Variants in DHX34 observed in about 807,000 individuals in gnomAD.
DHX34 encodes the protein DExH-box helicase 34, also known as probable ATP-dependent RNA helicase DHX34.
A neutral mutation model predicts 111.1 loss-of-function variants in DHX34; 96 were observed. The observed-to-expected ratio is 0.86, with a 90% confidence interval of 0.73 to 1.02. The LOEUF is 1.02. Ranked by LOEUF, DHX34 falls within the 50% of genes least tolerant of loss-of-function variation. The pLI, the probability that DHX34 is intolerant of heterozygous loss-of-function variation, is 0.00. For missense variants in DHX34, 1,560 were observed against 1,579.9 expected (o/e 0.99, Z 0.21); for synonymous variants, 688 against 670.4 (o/e 1.03, Z -0.41).
rs1212191418 is a variant in DHX34, at chr19:47,381,281, C to G, written c.3255C>G (p.Ala1085=). The change falls in exon 16 of 17, where the codon GCC becomes GCG. Residue 1085 remains alanine, a synonymous_variant. Coordinates refer to ENST00000328771, the MANE Select transcript of DHX34 (RefSeq NM_014681.6). ...CCCTCACGCCCCTGGAGCGCATCGC[C>G]CATGAGAACACCTGCCCCCAGGCCC... ...HAPLTPLERI[A]HENTCPQAPQ... is the part of the protein sequence containing the mutation. 1.2e-6 allele frequency: 2 copies of G among 1,613,894 alleles called. No homozygotes were observed. The highest frequency in any genetic ancestry group is 1.7e-6 in the Non-Finnish European group (2 of 1,179,962).
intron 13 of DHX34, among the ~76,000 whole-genome samples, chr19:47,378,450 C>G (rs181993023): frequency 6.6e-6 from 1 of 152,252 alleles, no homozygotes; most frequent in African/African-American, 2.4e-5. Flanking sequence ...AGGCAGCACG[C>G]AGGCCGAGGG....
chr19:47,357,764 C>T (rs1599755736), intron 3 of DHX34, 102 bp from the exon 4 acceptor site: 1 of 1,480,742 alleles, frequency 6.8e-7, no homozygotes, highest in East Asian at 2.5e-5. Flanking sequence ...TGTGTCTTCT[C>T]CGTTAGCCTG....
intron 13 of DHX34, 171 bp from the exon 14 acceptor site, chr19:47,379,539 G>T (rs566837773): frequency 1.0e-6 from 1 of 977,464 alleles, no homozygotes; most frequent in Non-Finnish European, 1.2e-6. Flanking sequence ...TGTTCATGCC[G>T]TATCCCCAGC....
intron 7 of DHX34, among the ~76,000 whole-genome samples, chr19:47,370,621 T>C (rs1332229176): frequency 6.6e-6 from 1 of 152,222 alleles, no homozygotes; most frequent in African/African-American, 2.4e-5. Context: ...GGAGGCTGGA[T>C]CCGCTGGACT....
chr19:47,360,723 CTG>C (rs1969605522), intron 5 of DHX34, among the ~76,000 whole-genome samples: 1 of 152,028 alleles, frequency 6.6e-6, no homozygotes, highest in African/African-American at 2.4e-5. Context: ...GAGTCTTGCT[CTG>C]TTGCCAGACT....
chr19:47,359,852 C>T, intron 4 of DHX34, 116 bp from the exon 5 acceptor site: 1 of 1,561,804 alleles, frequency 6.4e-7, no homozygotes, highest in East Asian at 2.3e-5. Context: ...AGGGAGGTCT[C>T]TGAAGGAGGA....
At position 47,358,270 on chromosome 19, in the gene DHX34, A is replaced by G. The variant is rs1197821709; in HGVS notation, c.1272+150A>G. 12 of 1,419,562 alleles carry G rather than the reference A, an allele frequency of 8.5e-6. No individual in the cohort carries two copies. The Admixed American group carries it at 2.0e-4, about 23-fold the overall frequency. 87.9% of individuals were successfully genotyped at this position (1,419,562 alleles called of 1,614,324 possible). A position where few individuals can be genotyped will look rare whatever the true frequency, so the allele number is the denominator to read the frequency against. On this transcript the variant is annotated intron_variant, in intron 4 of 16. Coordinates refer to ENST00000328771, the MANE Select transcript of DHX34 (RefSeq NM_014681.6). ...ACCTAGTGGCAGAGCCAGGCTGCGAACCCAGGTAGTCTGGCCCCGGAGCCC... is the reference window on the plus strand; with the variant it reads ...ACCTAGTGGCAGAGCCAGGCTGCGAGCCCAGGTAGTCTGGCCCCGGAGCCC...
In DHX34 at chr19:47,381,311, G is replaced by A; in HGVS notation, c.3285G>A (p.Gln1095=). 1 of 1,613,584 alleles carries A rather than the reference G, an allele frequency of 6.2e-7. No homozygotes were observed. ...AHENTCPQAP[Q]DGPPGAEEAA... is the part of the protein sequence containing the mutation. ...AGAACACCTGCCCCCAGGCCCCACA[G>A]GATGGGCCCCCAGGTAAGCACAGGA... Residue 1095 remains glutamine, a synonymous_variant, in exon 16 of 17, where the codon CAG becomes CAA. Transcript: ENST00000328771.
At chr19:47,364,851 GTCAGGGC>G (rs1969742201) in intron 6 of DHX34, among the ~76,000 whole-genome samples, 1 of 152,194 alleles carries the variant, frequency 6.6e-6, no homozygotes, top group Admixed American at 6.5e-5. Flanking sequence ...AAGTAGTAGA[GTCAGGGC>G]TCCATCCGAG....
Position 47,375,493 on chromosome 19 carries a change from G to A in DHX34, c.2092G>A (p.Ala698Thr), listed in dbSNP as rs371979299. Residue 698 changes from alanine (A) to threonine (T), a missense_variant, in exon 10 of 17, where the codon GCT (alanine) becomes ACT (threonine). By Grantham distance (58) the Ala-to-Thr change is moderately conservative (BLOSUM62 0). Coordinates refer to ENST00000328771, the MANE Select transcript of DHX34 (RefSeq NM_014681.6). Reference sequence around the variant, plus strand: ...GCTGTTGGAGGACCACGGGCTGCTGGCTGGGGCCCAGGCCGCGCAGGTAGG... The same window carrying A: ...GCTGTTGGAGGACCACGGGCTGCTGACTGGGGCCCAGGCCGCGCAGGTAGG... ...KELLEDHGLL[A>T]GAQAAQVGDS... The A allele has an allele frequency of 8.6e-5, 136 of 1,579,218 alleles. No individual in the cohort carries two copies. The highest frequency in any genetic ancestry group is 8.6e-5 in the Non-Finnish European group (101 of 1,169,294).
In DHX34 at chr19:47,379,763, G is replaced by A. The variant is rs747089523; in HGVS notation, c.2760G>A (p.Leu920=). 8 of 1,612,654 alleles carry A rather than the reference G, an allele frequency of 5.0e-6. No individual in the cohort carries two copies. The South Asian group carries it at 7.7e-5, about 15-fold the overall frequency. ...SLDTNGDCSR[L]VADGWLELQL... is the part of the protein sequence containing the mutation. Reference sequence around the variant, plus strand: ...ACACCAATGGTGACTGCTCCCGCCTGGTGGCCGATGGCTGGCTGGAGCTGC... The same window carrying A: ...ACACCAATGGTGACTGCTCCCGCCTAGTGGCCGATGGCTGGCTGGAGCTGC... The change falls in exon 14 of 17, where the codon CTG becomes CTA. Residue 920 remains leucine (L), a synonymous_variant. Transcript: ENST00000328771.
Position 47,352,900 on chromosome 19 carries a change from A to G in DHX34, c.-131A>G. The G allele has an allele frequency of 6.9e-7, 1 of 1,446,098 alleles. No homozygotes were observed. Among genetic ancestry groups the G allele is most frequent in the African/African-American group, 1.4e-5 (1 of 69,890 alleles). 89.6% of individuals were successfully genotyped at this position (1,446,098 alleles called of 1,614,324 possible). On this transcript the variant is annotated 5_prime_UTR_variant, in exon 2 of 17. Transcript: ENST00000328771. ...GGTCCTGTGCCGTGACCAGGAGGAA[A>G]AATTAGCTCTTTGAAGAGAAAGTAG... is the stretch of plus-strand genomic sequence containing the variant.
intron 16 of DHX34, 95 bp downstream of exon 16, chr19:47,381,419 C>T (rs1164160142): frequency 1.0e-5 from 15 of 1,491,608 alleles, no homozygotes; most frequent in Admixed American, 6.6e-5. Flanking sequence ...GCTAGAGCTT[C>T]GAGGACTGAC....
Position 47,380,896 on chromosome 19 carries a change from C to T in DHX34, c.3063C>T (p.Pro1021=), listed in dbSNP as rs200382156. Residue 1021 remains proline (P), a synonymous_variant, in exon 15 of 17, where the codon CCC becomes CCT. Coordinates refer to ENST00000328771, the MANE Select transcript of DHX34 (RefSeq NM_014681.6). ...YVGPQTIPAT[P]HLPGLFGSST... ...GACCCCAGACCATCCCAGCCACCCC[C>T]CATCTTCCTGGCCTCTTTGGCAGCT... 1.2e-5 allele frequency: 19 copies of T among 1,613,760 alleles called. No homozygotes were observed. In the African/African-American group the frequency reaches 2.1e-4, roughly 18 times the overall value.
chr19:47,378,666 T>TTGC (rs1970248092), intron 13 of DHX34, among the ~76,000 whole-genome samples: 1 of 151,762 alleles, frequency 6.6e-6, no homozygotes, highest in Admixed American at 6.6e-5. Flanking sequence ...TCTATCTATC[T>TTGC]CTACAAAAAA....
At chr19:47,360,421 A>G (rs1199433456) in intron 5 of DHX34, among the ~76,000 whole-genome samples, 1 of 152,120 alleles carries the variant, frequency 6.6e-6, no homozygotes, top group East Asian at 1.9e-4. Flanking sequence ...GTGTGGGGCC[A>G]TGGACCAATG....
Position 47,374,729 on chromosome 19 carries a change from T to C in DHX34, c.2065-737T>C, listed in dbSNP as rs148748377. Among the ~76,000 whole-genome samples, 654 of 152,294 alleles carry C rather than the reference T, an allele frequency of 4.3e-3. 7 individuals are homozygous for C. Among genetic ancestry groups the C allele is most frequent in the African/African-American group, 0.015 (623 of 41,552 alleles). On this transcript the variant is annotated intron_variant, in intron 9 of 16. Transcript: ENST00000328771. The stretch of plus-strand genomic sequence containing the variant: ...ACAGATGCCCCGATTGCTCTGAGCA[T>C]GGGTCCCGAGTTCTCTCTGGCTGCT...
Position 47,382,110 on chromosome 19 carries a change from G to A in DHX34, c.3429G>A (p.Val1143=), listed in dbSNP as rs1970384548. Residue 1143 remains valine (V), a synonymous_variant, in exon 17 of 17, where the codon GTG becomes GTA. Transcript: ENST00000328771. ...TEVLRHRKQH[V] ...TGCTGCGCCACCGGAAGCAGCACGT[G>A]TGAGCTGGGCCAGGAGCCCTGCCCA... 1.2e-6 allele frequency: 2 copies of A among 1,613,828 alleles called. No homozygotes were observed. Among genetic ancestry groups the A allele is most frequent in the Non-Finnish European group, 8.5e-7 (1 of 1,179,982 alleles).
chr19:47,364,399 T>C (rs1969728888), intron 6 of DHX34, among the ~76,000 whole-genome samples: 1 of 151,796 alleles, frequency 6.6e-6, no homozygotes, highest in African/African-American at 2.4e-5. Flanking sequence ...CTGCAGGAGG[T>C]GCACACTATT....
Sources: allele counts gnomAD v4.1 joint callset (sites outside exome capture counted in the v4.1 genomes callset), GRCh38; gene constraint gnomAD v4.1.1; transcripts MANE v1.5; gene names NCBI Gene and HGNC (gene_info 2026-07-23, HGNC 2026-07-21).